Variants in WDFY3 observed in about 807,000 individuals in gnomAD.
WDFY3 encodes the protein WD repeat and FYVE domain containing 3, also known as WD repeat and FYVE domain-containing protein 3.
In WDFY3, 66 loss-of-function variants were observed where a neutral mutation model predicts 409.6. That is an observed-to-expected ratio of 0.16 (90% CI 0.13 to 0.20). The LOEUF (loss-of-function observed/expected upper bound fraction) is 0.20, where lower values mean the gene tolerates loss of function less well. WDFY3 is among the 10% of genes least tolerant of loss of function. The pLI is 1.00. For missense variants in WDFY3, 3,031 were observed against 4,298.1 expected (o/e 0.71, Z 8.24); for synonymous variants, 1,521 against 1,537.1 (o/e 0.99, Z 0.25).
rs1578249020 is a variant in WDFY3, at chr4:84,721,550, T to G, written c.7464A>C (p.Lys2488Asn). 1 of 1,607,738 alleles carries G rather than the reference T, an allele frequency of 6.2e-7. No homozygotes were observed. Among genetic ancestry groups the G allele is most frequent in the Non-Finnish European group, 8.5e-7 (1 of 1,179,948 alleles). ...KVKGLVKPPLKRSRSAPDGGD... is the reference protein window; with the variant it reads ...KVKGLVKPPLNRSRSAPDGGD... ...CTCCATCAGGTGCAGATCGGGAGCG[T>G]TTTAGAGGAGGCTTGACCAAACCTA... The change falls in exon 47 of 68, where the codon AAA becomes AAC. Residue 2488 changes from lysine to asparagine, a missense_variant. Physicochemically the swap from Lys to Asn is moderately conservative, Grantham distance 94. Coordinates refer to ENST00000295888, the MANE Select transcript of WDFY3 (RefSeq NM_014991.6).
intron 10 of WDFY3, among the ~76,000 whole-genome samples, chr4:84,825,639 A>G (rs1320420947): frequency 6.6e-6 from 1 of 152,154 alleles, no homozygotes; most frequent in African/African-American, 2.4e-5. Flanking sequence ...GGCACATCAT[A>G]TTACACTGAT....
chr4:84,738,878 T>C, intron 40 of WDFY3, 132 bp downstream of exon 40: 1 of 742,176 alleles, frequency 1.3e-6, no homozygotes, highest in Non-Finnish European at 2.3e-6. Context: ...GGAGACTCTT[T>C]ATGTATAGGT....
Position 84,920,706 on chromosome 4 carries a change from G to A in WDFY3, c.-132+11564C>T, listed in dbSNP as rs149787992. Among the ~76,000 whole-genome samples, 68 of 152,242 alleles carry A rather than the reference G, an allele frequency of 4.5e-4. 1 individual carries two copies. In the East Asian group the frequency reaches 0.01, roughly 22 times the overall value. On this transcript the variant is annotated intron_variant, in intron 2 of 67. Coordinates refer to ENST00000295888, the MANE Select transcript of WDFY3 (RefSeq NM_014991.6). ...ATTCCTACACAGCTGAACAGCACCA[G>A]TGCCAACTAGTCATCCCACTAGAAA...
chr4:84,696,792 A>G lies in WDFY3; in HGVS notation c.8628T>C (p.Asp2876=), dbSNP rs780559855. 1.3e-5 allele frequency: 21 copies of G among 1,613,982 alleles called. No homozygotes were observed. The highest frequency in any genetic ancestry group is 1.7e-5 in the Non-Finnish European group (20 of 1,179,936). Residue 2876 remains aspartate (D), a synonymous_variant, in exon 57 of 68, where the codon GAT becomes GAC. Coordinates refer to ENST00000295888, the MANE Select transcript of WDFY3 (RefSeq NM_014991.6). ...CTTTTGCCCAGGGTGGAAGGATAAC[A>G]TCTCCAAGCTTGGTGCCATTTTGTT... ...GCKQNGTKLG[D]VILPPWAKGD... is the part of the protein sequence containing the mutation.
intron 3 of WDFY3, 41 bp from the exon 4 acceptor site, chr4:84,860,663 C>G: frequency 1.4e-6 from 2 of 1,444,784 alleles, no homozygotes; most frequent in Non-Finnish European, 1.8e-6. Flanking sequence ...AAAACATCAT[C>G]ATCTTGACTA....
In WDFY3 at chr4:84,709,276, A is replaced by T; in HGVS notation, c.8097+17T>A. 6.2e-7 allele frequency: 1 copy of T among 1,602,830 alleles called. No homozygotes were observed. The highest frequency in any genetic ancestry group is 8.5e-7 in the Non-Finnish European group (1 of 1,176,300). Reference sequence around the variant, plus strand: ...ATTACGAACTTCTAAGGAAGCTCATATATTCATTAAACTTACCTCCCATCT... The same window carrying T: ...ATTACGAACTTCTAAGGAAGCTCATTTATTCATTAAACTTACCTCCCATCT... On this transcript the variant is annotated intron_variant, in intron 52 of 67. Transcript: ENST00000295888.
rs1179958250 is a variant in WDFY3, at chr4:84,829,064, G to A, written c.896C>T (p.Thr299Ile). Residue 299 changes from threonine (T) to isoleucine (I), a missense_variant, in exon 9 of 68, where the codon ACA (threonine) becomes ATA (isoleucine). Thr to Ile is a moderately conservative substitution (Grantham distance 89). This residue lies in a region of WDFY3 where 1,322 missense variants were observed against 1,697.9 expected (regional missense o/e 0.78). Transcript: ENST00000295888. ...CCATATCCGAAAATCATCCAGAAGT[G>A]TTTGGGAAACATCGCTGGAATCTTT... is the stretch of plus-strand genomic sequence containing the variant. ...FLKDSSDVSQ[T>I]LLDDFRIWQG... is the part of the protein sequence containing the mutation. 6.2e-7 allele frequency: 1 copy of A among 1,613,816 alleles called. No homozygotes were observed. Among genetic ancestry groups the A allele is most frequent in the Non-Finnish European group, 8.5e-7 (1 of 1,179,838 alleles).
intron 38 of WDFY3, 151 bp downstream of exon 38, chr4:84,741,610 C>A: frequency 1.1e-6 from 1 of 930,088 alleles, no homozygotes; most frequent in Non-Finnish European, 1.5e-6. Flanking sequence ...TCACTGCGCC[C>A]AGCCTGTCTC....
intron 32 of WDFY3, among the ~76,000 whole-genome samples, chr4:84,763,958 G>A (rs1743163683): frequency 6.6e-6 from 1 of 152,104 alleles, no homozygotes; most frequent in African/African-American, 2.4e-5. Context: ...ACTGCCTAGC[G>A]AAATAACCTT....
At chr4:84,825,491 T>A (rs1189162985) in intron 10 of WDFY3, among the ~76,000 whole-genome samples, 1 of 151,826 alleles carries the variant, frequency 6.6e-6, no homozygotes, top group Non-Finnish European at 1.5e-5. Flanking sequence ...GTAGCTGGGA[T>A]TACAGGTGTG....
In WDFY3 at chr4:84,789,803, G is replaced by A. The variant is rs773785909; in HGVS notation, c.3592C>T (p.Leu1198=). 2 of 1,613,894 alleles carry A rather than the reference G, an allele frequency of 1.2e-6. No individual in the cohort carries two copies. The highest frequency in any genetic ancestry group is 1.7e-6 in the Non-Finnish European group (2 of 1,179,976). The change falls in exon 22 of 68, where the codon CTG becomes TTG. Residue 1198 remains leucine, a synonymous_variant. Transcript: ENST00000295888. ...IIEGQWHHLV[L]VMSKGMLKNS... is the part of the protein sequence containing the mutation. Reference sequence around the variant, plus strand: ...TTCAACATGCCTTTGCTCATTACCAGGACCAAATGATGCCACTGTCCCTCA... The same window carrying A: ...TTCAACATGCCTTTGCTCATTACCAAGACCAAATGATGCCACTGTCCCTCA...
At chr4:84,955,032 C>A (rs1373449510) in intron 1 of WDFY3, among the ~76,000 whole-genome samples, 1 of 151,982 alleles carries the variant, frequency 6.6e-6, no homozygotes, top group Non-Finnish European at 1.5e-5. Flanking sequence ...TGGCAAAACT[C>A]CGTCTTTGCA....
At position 84,772,923 on chromosome 4, in the gene WDFY3, C is replaced by A. The variant is rs757924553; in HGVS notation, c.4761G>T (p.Gly1587=). The A allele has an allele frequency of 3.1e-6, 5 of 1,598,560 alleles. No individual in the cohort carries two copies. Among genetic ancestry groups the A allele is most frequent in the Non-Finnish European group, 4.3e-6 (5 of 1,174,808 alleles). Residue 1587 remains glycine, a synonymous_variant, in exon 30 of 68, where the codon GGG becomes GGT. Transcript: ENST00000295888. ...FPSSNDLLRF[G]QFISSTLPTF... ...TTGGCAAAGTAGAAGAAATAAACTG[C>A]CCAAATCTTTAAACAAAGGAAAACA... is the stretch of plus-strand genomic sequence containing the variant.
Position 84,756,917 on chromosome 4 carries a change from A to C in WDFY3, c.5424+9T>G, listed in dbSNP as rs1372279490. 3.1e-6 allele frequency: 5 copies of C among 1,612,280 alleles called. No homozygotes were observed. The highest frequency in any genetic ancestry group is 3.4e-6 in the Non-Finnish European group (4 of 1,178,582). ...TAATTTCACGCACCCCTTGCTAGATAATTCCTACCTGGCAACCCTGCTTAC... is the reference window on the plus strand; with the variant it reads ...TAATTTCACGCACCCCTTGCTAGATCATTCCTACCTGGCAACCCTGCTTAC... On this transcript the variant is annotated intron_variant, in intron 33 of 67. Coordinates refer to ENST00000295888, the MANE Select transcript of WDFY3 (RefSeq NM_014991.6).
chr4:84,897,374 T>A (rs560350109), intron 2 of WDFY3, among the ~76,000 whole-genome samples: 5 of 152,146 alleles, frequency 3.3e-5, no homozygotes, highest in African/African-American at 7.2e-5. Context: ...GCACTTTTTT[T>A]ATTTTATTAT....
At chr4:84,924,381 C>A (rs1205942532) in intron 2 of WDFY3, among the ~76,000 whole-genome samples, 1 of 152,156 alleles carries the variant, frequency 6.6e-6, no homozygotes, top group Non-Finnish European at 1.5e-5. Flanking sequence ...TTATTCTTTA[C>A]AAAGGCATTT....
At chr4:84,949,383 A>G (rs1451845991) in intron 1 of WDFY3, among the ~76,000 whole-genome samples, 2 of 152,220 alleles carry the variant, frequency 1.3e-5, no homozygotes, top group African/African-American at 4.8e-5. Flanking sequence ...TTTATTTTTC[A>G]ATCACCAGAT....
At chr4:84,700,648 G>T (rs999702869) in intron 56 of WDFY3, among the ~76,000 whole-genome samples, 1 of 152,168 alleles carries the variant, frequency 6.6e-6, no homozygotes, top group Non-Finnish European at 1.5e-5. Flanking sequence ...GGTCGGTCTG[G>T]AACACCTTTG....
At chr4:84,843,133 C>A (rs1757608522) in intron 5 of WDFY3, among the ~76,000 whole-genome samples, 1 of 152,084 alleles carries the variant, frequency 6.6e-6, no homozygotes, top group Non-Finnish European at 1.5e-5. Context: ...ATATTCCTTA[C>A]AATAGTATAA....
Sources: gnomAD v4.1 joint callset for allele counts (sites outside exome capture counted in the v4.1 genomes callset) on GRCh38, gnomAD v4.1.1 for gene constraint, gnomAD v4.1.1 regional missense constraint, MANE v1.5 for transcripts, NCBI Gene and HGNC (gene_info 2026-07-23, HGNC 2026-07-21) for gene names.